The following MACROD2 variants were observed in gnomAD, a reference collection of about 807,000 sequenced individuals.
MACROD2 encodes mono-ADP ribosylhydrolase 2.
MACROD2 carries 36 observed loss-of-function variants against 70.4 expected under a neutral mutation model. The ratio of observed to expected loss-of-function variants is 0.51; its 90% CI spans 0.39 to 0.68. The LOEUF (loss-of-function observed/expected upper bound fraction) is 0.68, where lower values mean the gene tolerates loss of function less well. MACROD2 is among the 30% of genes least tolerant of loss of function. The probability of loss-of-function intolerance (pLI) is 0.00; values close to 1 mark genes in which losing one functional copy is unlikely to be tolerated. For missense variants in MACROD2, 496 were observed against 538.4 expected (o/e 0.92, Z 0.78); for synonymous variants, 172 against 178.8 (o/e 0.96, Z 0.30).
At chr20:14,077,602 G>A (rs1203777018) in intron 2 of MACROD2, among the ~76,000 whole-genome samples, 1 of 152,298 alleles carries the variant, frequency 6.6e-6, no homozygotes, top group East Asian at 1.9e-4. Context: ...AAGGGAAAAA[G>A]AGTGTAATTT....
chr20:15,887,029 C>G (rs2064830833), intron 10 of MACROD2, among the ~76,000 whole-genome samples: 1 of 152,168 alleles, frequency 6.6e-6, no homozygotes, highest in African/African-American at 2.4e-5. Context: ...ATCTCAGAGG[C>G]CCTGATTTTG....
intron 4 of MACROD2, among the ~76,000 whole-genome samples, chr20:14,659,146 C>T (rs979574755): frequency 3.3e-5 from 5 of 152,084 alleles, no homozygotes; most frequent in African/African-American, 1.2e-4. Flanking sequence ...CAATAACTAG[C>T]CTTTTTCATG....
intron 8 of MACROD2, among the ~76,000 whole-genome samples, chr20:15,843,392 T>G (rs1286435766): frequency 1.3e-5 from 2 of 152,190 alleles, no homozygotes; most frequent in Non-Finnish European, 2.9e-5. Context: ...TTATACCAGT[T>G]CATGTTCGTG....
At chr20:15,490,870 C>A (rs1400825196) in intron 7 of MACROD2, among the ~76,000 whole-genome samples, 2 of 152,136 alleles carry the variant, frequency 1.3e-5, no homozygotes, top group Non-Finnish European at 2.9e-5. Flanking sequence ...ATATGCAAGC[C>A]CTACCTCAAC....
chr20:15,572,960 A>C (rs1277280658), intron 8 of MACROD2, among the ~76,000 whole-genome samples: 2 of 152,172 alleles, frequency 1.3e-5, no homozygotes, highest in East Asian at 3.8e-4. Flanking sequence ...AATAGAACCA[A>C]TAATATTTGT....
chr20:14,635,320 G>T (rs1326684830), intron 4 of MACROD2, among the ~76,000 whole-genome samples: 2 of 152,084 alleles, frequency 1.3e-5, no homozygotes, highest in Admixed American at 1.3e-4. Context: ...TTGGGCTAGA[G>T]GTTCCTTCAC....
intron 4 of MACROD2, among the ~76,000 whole-genome samples, chr20:14,676,304 C>T (rs2070860798): frequency 6.6e-6 from 1 of 152,058 alleles, no homozygotes; most frequent in African/African-American, 2.4e-5. Context: ...ACTTATTCCA[C>T]ATAATTTAGA....
intron 4 of MACROD2, among the ~76,000 whole-genome samples, chr20:14,639,272 A>G (rs913369151): frequency 2.0e-5 from 3 of 152,116 alleles, no homozygotes; most frequent in Non-Finnish European, 2.9e-5. Flanking sequence ...TTTTTAATAT[A>G]TAGAGTTTAC....
At chr20:14,496,911 A>G (rs774764767) in intron 4 of MACROD2, among the ~76,000 whole-genome samples, 16 of 151,666 alleles carry the variant, frequency 1.1e-4, no homozygotes, top group Admixed American at 6.6e-4. Context: ...TACCCTGTAT[A>G]TTATTTTACC....
At chr20:14,321,328 G>A (rs1471035678) in intron 3 of MACROD2, among the ~76,000 whole-genome samples, 2 of 151,278 alleles carry the variant, frequency 1.3e-5, no homozygotes, top group African/African-American at 4.9e-5. Flanking sequence ...TTGTGCCACT[G>A]CACTCCAGCC....
intron 6 of MACROD2, among the ~76,000 whole-genome samples, chr20:15,297,355 A>G (rs1415880680): frequency 1.3e-5 from 2 of 152,154 alleles, no homozygotes; most frequent in Non-Finnish European, 2.9e-5. Context: ...TTGTATTTTT[A>G]GAGAAGAAAA....
chr20:15,625,210 T>C (rs944449469), intron 8 of MACROD2, among the ~76,000 whole-genome samples: 1 of 152,212 alleles, frequency 6.6e-6, no homozygotes, highest in African/African-American at 2.4e-5. Flanking sequence ...CAAACGTTCT[T>C]TCCTAAAGAG....
At chr20:15,207,070 A>G (rs1478110491) in intron 5 of MACROD2, among the ~76,000 whole-genome samples, 1 of 152,010 alleles carries the variant, frequency 6.6e-6, no homozygotes, top group Non-Finnish European at 1.5e-5. Flanking sequence ...ATCAATGTTC[A>G]TTATTCTTCA....
Position 15,618,772 on chromosome 20 carries a change from C to T in MACROD2, c.645+118925C>T, listed in dbSNP as rs530776293. Among the ~76,000 whole-genome samples, 3 of 152,264 alleles carry T rather than the reference C, an allele frequency of 2.0e-5. No homozygotes were observed. In the East Asian group the frequency reaches 5.8e-4, roughly 29 times the overall value. ...GTAACTGCCCAATGGGCTCACCTTA[C>T]CCGGTGCCTAGACAGAGCTGATTTA... On this transcript the variant is annotated intron_variant, in intron 8 of 17. Transcript: ENST00000684519.
intron 4 of MACROD2, among the ~76,000 whole-genome samples, chr20:14,502,926 A>G (rs2084929904): frequency 6.6e-6 from 1 of 152,180 alleles, no homozygotes; most frequent in Non-Finnish European, 1.5e-5. Flanking sequence ...AGCGTCTTTC[A>G]AGTATTTAAT....
intron 5 of MACROD2, among the ~76,000 whole-genome samples, chr20:15,061,654 T>TCCTGGCTA (rs1436458042): frequency 6.6e-6 from 1 of 152,198 alleles, no homozygotes; most frequent in African/African-American, 2.4e-5. Context: ...GGATGCTTCT[T>TCCTGGCTA]CCTGGCTATT....
At chr20:15,425,929 G>C (rs1033833444) in intron 6 of MACROD2, among the ~76,000 whole-genome samples, 3 of 152,200 alleles carry the variant, frequency 2.0e-5, no homozygotes, top group African/African-American at 4.8e-5. Flanking sequence ...CACTGTTAGG[G>C]TCAAGACAGA....
At position 15,531,510 on chromosome 20, in the gene MACROD2, T is replaced by C. The variant is rs930141922; in HGVS notation, c.645+31663T>C. Among the ~76,000 whole-genome samples the C allele has an allele frequency of 5.3e-5, 8 of 152,134 alleles. No homozygotes were observed. In the East Asian group the frequency reaches 1.5e-3, roughly 29 times the overall value. On this transcript the variant is annotated intron_variant, in intron 8 of 17. Coordinates refer to ENST00000684519, the MANE Select transcript of MACROD2 (RefSeq NM_001351661.2). ...GGAAAATAAAAACTTATTTGCTGTA[T>C]GAATATATGAAGTACTGAAATAGAA...
intron 8 of MACROD2, among the ~76,000 whole-genome samples, chr20:15,608,762 T>C (rs990567482): frequency 2.0e-5 from 3 of 152,248 alleles, no homozygotes; most frequent in African/African-American, 4.8e-5. Context: ...TTAGGCTTTT[T>C]GAAGTCCTGT....
Sources: gnomAD v4.1 joint callset for allele counts (sites outside exome capture counted in the v4.1 genomes callset) on GRCh38, gnomAD v4.1.1 for gene constraint, MANE v1.5 for transcripts, NCBI Gene and HGNC (gene_info 2026-07-23, HGNC 2026-07-21) for gene names.